CAMTA1: variants seen among roughly 807,000 people sequenced by gnomAD.
CAMTA1 encodes calmodulin-binding transcription activator 1.
CAMTA1 carries 27 observed loss-of-function variants against 170.9 expected under a neutral mutation model. That is an observed-to-expected ratio of 0.16 (90% confidence interval 0.12 to 0.22). The LOEUF (loss-of-function observed/expected upper bound fraction) is 0.22, where lower values mean the gene tolerates loss of function less well. Among genes scored for constraint, CAMTA1 ranks in the 10% least tolerant of loss-of-function variants. The pLI is 1.00. For synonymous variants in CAMTA1, 833 were observed against 891.5 expected, an observed-to-expected ratio of 0.93 and a Z score of 1.17; for missense variants, 1,619 against 2,217.2, an observed-to-expected ratio of 0.73 and a Z score of 5.42.
Position 7,460,158 on chromosome 1 carries a change from C to T in CAMTA1, c.439-7672C>T, listed in dbSNP as rs768198147. 8.5e-4 allele frequency among the ~76,000 whole-genome samples: 130 copies of T among 152,358 alleles called. 1 individual carries two copies. Among genetic ancestry groups the T allele is most frequent in the Non-Finnish European group, 1.7e-3 (118 of 68,034 alleles). ...CTGCAGCTTCACCCCGCATGCGGGA[C>T]GCGGATGAGAGAGCTGGGGAGGGGC... On this transcript the variant is annotated intron_variant, in intron 5 of 22. Transcript: ENST00000303635.
At chr1:7,599,064 T>C (rs1486254982) in intron 6 of CAMTA1, among the ~76,000 whole-genome samples, 1 of 152,276 alleles carries the variant, frequency 6.6e-6, no homozygotes, top group African/African-American at 2.4e-5. Context: ...AGGGCTTTTA[T>C]GGTTTTTGGT....
At chr1:7,546,650 A>G (rs1008733710) in intron 6 of CAMTA1, among the ~76,000 whole-genome samples, 1 of 152,182 alleles carries the variant, frequency 6.6e-6, no homozygotes, top group Non-Finnish European at 1.5e-5. Context: ...CTTGTCTGCA[A>G]CATCGCCAGC....
chr1:7,494,199 G>GAA (rs371797496), intron 6 of CAMTA1, among the ~76,000 whole-genome samples: 4 of 151,140 alleles, frequency 2.6e-5, no homozygotes, highest in Non-Finnish European at 5.9e-5. Context: ...TTCAGAGGGG[G>GAA]AAAAATCTGC....
chr1:7,318,711 G>A (rs867686369), intron 5 of CAMTA1, among the ~76,000 whole-genome samples: 2 of 152,212 alleles, frequency 1.3e-5, no homozygotes, highest in African/African-American at 4.8e-5. Flanking sequence ...ACCCTTCTCT[G>A]CAATCAGACG....
At chr1:7,764,837 G>A (rs929062914) in intron 22 of CAMTA1, among the ~76,000 whole-genome samples, 59 of 152,032 alleles carry the variant, frequency 3.9e-4, no homozygotes, top group Admixed American at 3.9e-3. Context: ...GTGCGTGCCT[G>A]TAATCCCAGC....
chr1:7,436,144 C>T lies in CAMTA1; in HGVS notation c.439-31686C>T, dbSNP rs1007914293. ...AAAAAATGTCTCTCCCCTCGTCCCC[C>T]AGGCCCGGGGCTGCCAGGGAGCTCT... On this transcript the variant is annotated intron_variant, in intron 5 of 22. Coordinates refer to ENST00000303635, the MANE Select transcript of CAMTA1 (RefSeq NM_015215.4). Among the ~76,000 whole-genome samples the T allele has an allele frequency of 2.6e-5, 4 of 152,224 alleles. No homozygotes were observed. The South Asian group carries it at 8.3e-4, about 32-fold the overall frequency.
chr1:6,881,479 A>G (rs1671562891), intron 3 of CAMTA1, among the ~76,000 whole-genome samples: 1 of 152,176 alleles, frequency 6.6e-6, no homozygotes, highest in Admixed American at 6.5e-5. Context: ...AGATTTGGCA[A>G]TGGCGAGAGA....
At chr1:7,579,017 G>A (rs1005299928) in intron 6 of CAMTA1, among the ~76,000 whole-genome samples, 4 of 152,188 alleles carry the variant, frequency 2.6e-5, no homozygotes, top group South Asian at 2.1e-4. Flanking sequence ...CAGCCTCCCC[G>A]CTTTACTGAG....
chr1:7,472,502 C>T (rs1343190671), intron 6 of CAMTA1, among the ~76,000 whole-genome samples: 3 of 152,136 alleles, frequency 2.0e-5, no homozygotes, highest in African/African-American at 7.2e-5. Flanking sequence ...CACAGTTGCT[C>T]AGTCAATAGG....
chr1:7,090,558 G>A (rs1641336832), intron 3 of CAMTA1, among the ~76,000 whole-genome samples: 2 of 152,198 alleles, frequency 1.3e-5, no homozygotes, highest in African/African-American at 4.8e-5. Flanking sequence ...TCGAGCTGGA[G>A]CAATGACTTA....
At chr1:6,886,334 TG>T in intron 3 of CAMTA1, 1 of 440,948 alleles carries the variant, frequency 2.3e-6, no homozygotes, top group East Asian at 7.0e-5. Context: ...TCGTATTTTA[TG>T]TTAAAAAAAA....
At chr1:6,880,392 T>G (rs1671217484) in intron 3 of CAMTA1, among the ~76,000 whole-genome samples, 1 of 145,178 alleles carries the variant, frequency 6.9e-6, no homozygotes, top group African/African-American at 2.6e-5. Flanking sequence ...TGTTTTTTTT[T>G]TTTTTTTTTT....
At position 6,825,105 on chromosome 1, in the gene CAMTA1, C is replaced by T. The variant is rs781069182; in HGVS notation, c.129C>T (p.Asn43=). Residue 43 remains asparagine, a synonymous_variant, in exon 3 of 23, where the codon AAC becomes AAT. Coordinates refer to ENST00000303635, the MANE Select transcript of CAMTA1 (RefSeq NM_015215.4). ...TVPPIEDDHG[N]SNSSHVKIFL... Reference sequence around the variant, plus strand: ...TCTTCTTTGTAGATGATCATGGGAACAGCAATAGTAGTCATGTAAAAATCT... The same window carrying T: ...TCTTCTTTGTAGATGATCATGGGAATAGCAATAGTAGTCATGTAAAAATCT... 6.3e-7 allele frequency: 1 copy of T among 1,577,758 alleles called. No individual in the cohort carries two copies. The highest frequency in any genetic ancestry group is 1.1e-5 in the South Asian group (1 of 87,488).
At chr1:7,374,059 C>G (rs1005866961) in intron 5 of CAMTA1, among the ~76,000 whole-genome samples, 2 of 152,180 alleles carry the variant, frequency 1.3e-5, no homozygotes, top group Non-Finnish European at 2.9e-5. Context: ...GAGCCTGCCT[C>G]CCCGCCTCAC....
intron 6 of CAMTA1, among the ~76,000 whole-genome samples, chr1:7,618,856 T>A (rs1291032743): frequency 2.0e-5 from 3 of 152,242 alleles, no homozygotes; most frequent in Non-Finnish European, 2.9e-5. Flanking sequence ...TTGAAGGCTG[T>A]TATGTCATTT....
chr1:7,761,932 C>T (rs1262882519), intron 22 of CAMTA1, among the ~76,000 whole-genome samples: 1 of 151,996 alleles, frequency 6.6e-6, no homozygotes, highest in Non-Finnish European at 1.5e-5. Context: ...AGGAGAATTG[C>T]TTGAGGCCAG....
chr1:7,103,619 GCA>G (rs901688782), intron 4 of CAMTA1, among the ~76,000 whole-genome samples: 5 of 23,136 alleles, frequency 2.2e-4, no homozygotes, highest in Admixed American at 1.3e-3. Context: ...CTACACACAC[GCA>G]CACACAACTA....
chr1:7,732,714 CAGAAG>C lies in CAMTA1; in HGVS notation c.3066+116_3066+120del. On this transcript the variant is annotated intron_variant, in intron 12 of 22. Transcript: ENST00000303635. The surrounding 1 kb of genome is among the most constrained non-coding windows in gnomAD (Gnocchi z 4.1). ...TGCTGATGCGGTCCCTGTATTCAGG[CAGAAG>C]GCCTGAGGGAGTACTTTACGGTACC... 2.9e-6 allele frequency: 4 copies of C among 1,403,096 alleles called. No individual in the cohort carries two copies. The highest frequency in any genetic ancestry group is 3.8e-6 in the Non-Finnish European group (4 of 1,054,692). 86.9% of individuals were successfully genotyped at this position (1,403,096 alleles called of 1,614,324 possible). A position where few individuals can be genotyped will look rare whatever the true frequency, so the allele number is the denominator to read the frequency against.
intron 3 of CAMTA1, among the ~76,000 whole-genome samples, chr1:6,877,920 T>A (rs564179338): frequency 2.0e-5 from 3 of 152,356 alleles, no homozygotes; most frequent in Admixed American, 6.5e-5. Flanking sequence ...CCTTGGAGCA[T>A]CTGACCATAC....
Sources: allele counts gnomAD v4.1 joint callset (sites outside exome capture counted in the v4.1 genomes callset), GRCh38; gene constraint gnomAD v4.1.1; non-coding constraint Gnocchi (gnomAD v3.1); transcripts MANE v1.5; gene names NCBI Gene and HGNC (gene_info 2026-07-23, HGNC 2026-07-21).